OFD1: variants seen among roughly 807,000 people sequenced by gnomAD.
OFD1 encodes OFD1 centriole and centriolar satellite protein.
Under a neutral mutation model 81.4 loss-of-function variants are expected in OFD1, and 12 were observed. The observed-to-expected ratio is 0.15, with a 90% CI of 0.09 to 0.24. The LOEUF (loss-of-function observed/expected upper bound fraction) is 0.24, where lower values mean the gene tolerates loss of function less well. Ranked by LOEUF, OFD1 falls within the 10% of genes least tolerant of loss-of-function variation. The probability of loss-of-function intolerance (pLI) is 1.00; values close to 1 mark genes in which losing one functional copy is unlikely to be tolerated. For missense variants in OFD1, 685 were observed against 733.9 expected (o/e 0.93, Z 0.77); for synonymous variants, 256 against 263.7 (o/e 0.97, Z 0.28).
Position 13,767,205 on chromosome X carries a change from G to C in OFD1, c.2678G>C (p.Arg893Thr), listed in dbSNP as rs368016722. The change falls in exon 20 of 23, where the codon AGA (arginine) becomes ACA (threonine). Residue 893 changes from arginine to threonine, a missense_variant. By Grantham distance (71) the Arg-to-Thr change is moderately conservative. Coordinates refer to ENST00000340096, the MANE Select transcript of OFD1 (RefSeq NM_003611.3). Reference protein sequence around the residue: ...REQQVKERRQREERRQSNLQE... With the variant: ...REQQVKERRQTEERRQSNLQE... The stretch of plus-strand genomic sequence containing the variant: ...CAGCAAGTGAAAGAACGAAGGCAGA[G>C]AGAAGAAAGAAGGCAGAGTAACCTA... 1 of 1,210,158 alleles carries C rather than the reference G, an allele frequency of 8.3e-7. No individual in the cohort carries two copies. Among genetic ancestry groups the C allele is most frequent in the Non-Finnish European group, 1.1e-6 (1 of 893,778 alleles).
chrX:13,760,801 G>T (rs2047899616), intron 16 of OFD1, 81 bp downstream of exon 16: 1 of 1,129,760 alleles, frequency 8.9e-7, no homozygotes, highest in Non-Finnish European at 1.2e-6. Context: ...TGCCGTGAGG[G>T]TCAGCGGGCC....
chrX:13,760,428 C>T lies in OFD1; in HGVS notation c.1968C>T (p.Val656=). The T allele has an allele frequency of 8.4e-7, 1 of 1,190,579 alleles. No homozygotes were observed. The highest frequency in any genetic ancestry group is 1.1e-6 in the Non-Finnish European group (1 of 885,570). The change falls in exon 16 of 23, where the codon GTC becomes GTT. Residue 656 remains valine, a synonymous_variant. Coordinates refer to ENST00000340096, the MANE Select transcript of OFD1 (RefSeq NM_003611.3). ...CTTTCAGAAGTTACCATCGGAGAGTCATTAAAAACTCTGCCAAAAGCCCAC... is the reference window on the plus strand; with the variant it reads ...CTTTCAGAAGTTACCATCGGAGAGTTATTAAAAACTCTGCCAAAAGCCCAC... The part of the protein sequence containing the change: ...EKAFRSYHRR[V]IKNSAKSPLA...
the OFD1 span, among the ~76,000 whole-genome samples, chrX:13,724,443 G>C: frequency 9.3e-5 from 10 of 107,890 alleles, no homozygotes; most frequent in African/African-American, 3.4e-4. Context: ...CTACGATCAG[G>C]AAAAAGCAAG....
At chrX:13,767,024 A>G (rs1237745737) in intron 19 of OFD1, 103 bp from the exon 20 acceptor site, 23 of 805,628 alleles carry the variant, frequency 2.9e-5, no homozygotes, top group Non-Finnish European at 3.0e-5. Flanking sequence ...CTAAAAGCCA[A>G]GCAGAGTCTC....
chrX:13,733,401 C>G (rs895796644), upstream of OFD1, among the ~76,000 whole-genome samples: 5 of 111,388 alleles, frequency 4.5e-5, no homozygotes, highest in African/African-American at 1.3e-4. Flanking sequence ...GAGTTCAGAG[C>G]TACTATCATT....
chrX:13,750,441 T>C (rs1159558861), intron 9 of OFD1, among the ~76,000 whole-genome samples: 1 of 111,663 alleles, frequency 9.0e-6, no homozygotes, highest in African/African-American at 3.3e-5. Flanking sequence ...AGTCAGCATT[T>C]TGTAGCACTT....
rs1274465611 is a variant in OFD1 at position 13,767,383 on chromosome X, CAG to C, written c.2757+102_2757+103del. 5.5e-6 allele frequency: 5 copies of C among 911,789 alleles called. No homozygotes were observed. The Admixed American group carries it at 8.8e-5, about 16-fold the overall frequency. The allele number at this position is 911,789 out of a possible 1,213,427, so 75.1% of individuals were successfully genotyped here. A position where few individuals can be genotyped will look rare whatever the true frequency, so the allele number is the denominator to read the frequency against. On this transcript the variant is annotated intron_variant, in intron 20 of 22. Transcript: ENST00000340096. ...AGGGGAGTCAATTGGTGTACAAAGT[CAG>C]AGGTGCGGCAGATGCCTTAAAAGGC...
intron 19 of OFD1, among the ~76,000 whole-genome samples, chrX:13,764,694 A>G (rs768508702): frequency 3.7e-4 from 42 of 112,714 alleles, no homozygotes; most frequent in African/African-American, 1.3e-3. Flanking sequence ...GGTTTTAGTC[A>G]TGGTACCCAG....
At chrX:13,755,968 T>TTTTTTTTTTTTTTTTTG (rs1298406528) in intron 12 of OFD1, among the ~76,000 whole-genome samples, 1 of 96,935 alleles carries the variant, frequency 1.0e-5, no homozygotes, top group African/African-American at 4.1e-5. Flanking sequence ...TTTTTTTTTT[T>TTTTTTTTTTTTTTTTTG]GAGACAGAGT....
intron 19 of OFD1, among the ~76,000 whole-genome samples, chrX:13,766,466 A>G (rs748614263): frequency 1.8e-5 from 2 of 111,869 alleles, no homozygotes; most frequent in African/African-American, 3.3e-5. Flanking sequence ...GGGTTTCCAC[A>G]TGCGGATGGC....
downstream of OFD1, chrX:13,772,710 AT>A (rs896328156): frequency 2.2e-5 from 8 of 364,138 alleles, no homozygotes; most frequent in African/African-American, 2.0e-4. Flanking sequence ...AAAGAAAAAG[AT>A]TTACCCACTG....
At chrX:13,742,964 T>C (rs1396193196) in intron 5 of OFD1, among the ~76,000 whole-genome samples, 1 of 111,969 alleles carries the variant, frequency 8.9e-6, no homozygotes, top group African/African-American at 3.3e-5. Flanking sequence ...TCTAATCCCC[T>C]TCCTGAAGGG....
chrX:13,763,429 T>C (rs2147065056), intron 18 of OFD1, among the ~76,000 whole-genome samples: 1 of 113,007 alleles, frequency 8.8e-6, no homozygotes, highest in South Asian at 3.6e-4. Flanking sequence ...GTTAAATCAT[T>C]GATATTTTAA....
chrX:13,715,754 G>A, the OFD1 span: 1 of 887,601 alleles, frequency 1.1e-6, no homozygotes, highest in Non-Finnish European at 1.4e-6. Context: ...AGGACAACAA[G>A]GTGAAGAATG....
At chrX:13,735,197 G>T (rs374117344) in intron 1 of OFD1, 51 bp from the exon 2 acceptor site, 2 of 1,195,203 alleles carry the variant, frequency 1.7e-6, no homozygotes, top group African/African-American at 3.5e-5. Flanking sequence ...GTTTTCAGAC[G>T]TTCACGTTCC....
chrX:13,715,821 A>C, the OFD1 span: 2 of 972,672 alleles, frequency 2.1e-6, no homozygotes, highest in Non-Finnish European at 2.6e-6. Context: ...TGTGTTCCTA[A>C]ATACATATTC....
rs529916753 is a variant in OFD1 at position 13,760,154 on chromosome X, T to C, written c.1694T>C (p.Val565Ala). The C allele has an allele frequency of 5.2e-4, 625 of 1,210,590 alleles. 3 individuals carry two copies. In the South Asian group the frequency reaches 9.7e-3, roughly 19 times the overall value. Residue 565 changes from valine (V) to alanine (A), a missense_variant, in exon 16 of 23, where the codon GTG (valine) becomes GCG (alanine). Transcript: ENST00000340096. The stretch of plus-strand genomic sequence containing the variant: ...GTGTACTGCAATCCAAAGCAGTCTG[T>C]GATCGATCGTTCTGTCAATGGATTA... ...NEVYCNPKQSVIDRSVNGLIN... is the reference protein window; with the variant it reads ...NEVYCNPKQSAIDRSVNGLIN...
intron 5 of OFD1, among the ~76,000 whole-genome samples, chrX:13,743,423 C>T (rs1014065217): frequency 8.9e-6 from 1 of 112,122 alleles, no homozygotes; most frequent in Non-Finnish European, 1.9e-5. Context: ...TTACAGGTAA[C>T]CTATGTGCAG....
intron 21 of OFD1, 61 bp downstream of exon 21, chrX:13,768,285 A>C: frequency 2.2e-6 from 2 of 893,588 alleles, no homozygotes. Flanking sequence ...TCCGTGGCTT[A>C]ACTTCTTGGG....
Sources: gnomAD v4.1 joint callset for allele counts (sites outside exome capture counted in the v4.1 genomes callset) on GRCh38, gnomAD v4.1.1 for gene constraint, MANE v1.5 for transcripts, NCBI Gene and HGNC (gene_info 2026-07-23, HGNC 2026-07-21) for gene names.